The following SPTSSA variants were observed in gnomAD, a reference collection of about 807,000 sequenced individuals.
The protein encoded by SPTSSA is serine palmitoyltransferase small subunit A.
SPTSSA carries 8 observed loss-of-function variants against 9.1 expected under a neutral mutation model. The observed-to-expected ratio is 0.88, with a 90% CI of 0.51 to 1.58. The LOEUF is 1.58. Ranked by LOEUF, SPTSSA falls within the 40% of genes most tolerant of loss-of-function variation. The probability of loss-of-function intolerance (pLI) is 0.00; values close to 1 mark genes in which losing one functional copy is unlikely to be tolerated. For missense variants in SPTSSA, 100 were observed against 93.8 expected (o/e 1.07, Z -0.27); for synonymous variants, 42 against 37.7 (o/e 1.11, Z -0.41).
intron 1 of SPTSSA, among the ~76,000 whole-genome samples, chr14:34,436,396 T>G (rs558028008): frequency 1.3e-5 from 2 of 152,318 alleles, no homozygotes; most frequent in East Asian, 1.9e-4. Context: ...CACAGTTACA[T>G]AGGATGCTAA....
intron 1 of SPTSSA, among the ~76,000 whole-genome samples, chr14:34,459,983 T>C (rs1490707387): frequency 6.6e-6 from 1 of 152,170 alleles, no homozygotes; most frequent in African/African-American, 2.4e-5. Flanking sequence ...ACAGATTAGT[T>C]CTGGGTGAAG....
intron 1 of SPTSSA, among the ~76,000 whole-genome samples, chr14:34,444,711 C>G (rs1883390247): frequency 1.3e-5 from 2 of 149,950 alleles, no homozygotes; most frequent in South Asian, 4.2e-4. Context: ...GAGATCGCAC[C>G]ATTGTACTCC....
intron 1 of SPTSSA, among the ~76,000 whole-genome samples, chr14:34,454,185 A>T (rs1331779119): frequency 6.6e-6 from 1 of 151,310 alleles, no homozygotes; most frequent in Non-Finnish European, 1.5e-5. Flanking sequence ...ACCCTGTTTT[A>T]GGGGGAAAAA....
At chr14:34,450,610 GA>G in intron 1 of SPTSSA, among the ~76,000 whole-genome samples, 1 of 152,036 alleles carries the variant, frequency 6.6e-6, no homozygotes, top group Admixed American at 6.6e-5. Context: ...TAGAGAACAA[GA>G]ATAGAATACA....
intron 1 of SPTSSA, among the ~76,000 whole-genome samples, chr14:34,443,252 T>C (rs1883359145): frequency 1.7e-5 from 1 of 59,288 alleles, no homozygotes; most frequent in African/African-American, 8.1e-5. Context: ...GAGATGGAGT[T>C]TTCCTCTCAT....
chr14:34,447,751 T>A (rs10129766), intron 1 of SPTSSA, among the ~76,000 whole-genome samples: 1 of 152,154 alleles, frequency 6.6e-6, no homozygotes, highest in African/African-American at 2.4e-5. Flanking sequence ...GGGAAACACA[T>A]GGGTTCTAGA....
intron 1 of SPTSSA, among the ~76,000 whole-genome samples, chr14:34,443,198 GGTGT>G (rs76985104): frequency 0.011 from 131 of 11,478 alleles, 16 homozygotes; most frequent in African/African-American, 0.043. Context: ...TCCTCTAGGG[GGTGT>G]GTGTGTGTGT....
At chr14:34,438,375 T>A (rs1366800903) in intron 1 of SPTSSA, among the ~76,000 whole-genome samples, 1 of 152,194 alleles carries the variant, frequency 6.6e-6, no homozygotes, top group East Asian at 1.9e-4. Flanking sequence ...CCAACGGGCA[T>A]TTCCTTTGAC....
chr14:34,441,971 G>C (rs567882128), intron 1 of SPTSSA, among the ~76,000 whole-genome samples: 23 of 152,206 alleles, frequency 1.5e-4, no homozygotes, highest in African/African-American at 5.3e-4. Context: ...CGCCTCCCGG[G>C]TTCAAGCAGT....
intron 1 of SPTSSA, among the ~76,000 whole-genome samples, chr14:34,455,364 GGA>G (rs1883598757): frequency 6.6e-6 from 1 of 151,632 alleles, no homozygotes; most frequent in Non-Finnish European, 1.5e-5. Flanking sequence ...TCTAGCCTGA[GGA>G]AAAGAGCGAA....
At chr14:34,461,688 G>A (rs954917294) in intron 1 of SPTSSA, among the ~76,000 whole-genome samples, 1 of 152,210 alleles carries the variant, frequency 6.6e-6, no homozygotes, top group African/African-American at 2.4e-5. Flanking sequence ...AACACTTAAA[G>A]GTCAAAGGCG....
chr14:34,449,502 CCTTTT>C (rs1883481541), intron 1 of SPTSSA, among the ~76,000 whole-genome samples: 1 of 131,024 alleles, frequency 7.6e-6, no homozygotes, highest in African/African-American at 3.3e-5. Context: ...ACCCGGCCTC[CCTTTT>C]TTTTTTTTTT....
chr14:34,452,401 T>G (rs1883546434), intron 1 of SPTSSA, among the ~76,000 whole-genome samples: 1 of 152,250 alleles, frequency 6.6e-6, no homozygotes, highest in Admixed American at 6.5e-5. Context: ...CAATTTGATA[T>G]TCAAGGGTCA....
At chr14:34,451,846 T>C (rs116326859) in intron 1 of SPTSSA, among the ~76,000 whole-genome samples, 3,465 of 152,126 alleles carry the variant, frequency 0.023, 120 homozygotes, top group African/African-American at 0.07. Flanking sequence ...AGTATTATCA[T>C]ATGCTGTTTA....
chr14:34,440,559 C>G (rs1883299984), intron 1 of SPTSSA, among the ~76,000 whole-genome samples: 1 of 152,094 alleles, frequency 6.6e-6, no homozygotes. Context: ...CATATATTAG[C>G]CTAACGGGTT....
intron 1 of SPTSSA, among the ~76,000 whole-genome samples, chr14:34,459,695 CGCTTGAA>C (rs1393475867): frequency 0.011 from 1,737 of 152,146 alleles, 30 homozygotes; most frequent in African/African-American, 0.04. Context: ...GCAGGAGAAT[CGCTTGAA>C]CCTGGGAGGC....
chr14:34,454,939 C>T (rs1883588029), intron 1 of SPTSSA, among the ~76,000 whole-genome samples: 1 of 151,862 alleles, frequency 6.6e-6, no homozygotes, highest in East Asian at 1.9e-4. Context: ...ATACAAAAAT[C>T]AGCCGGGTGT....
intron 1 of SPTSSA, among the ~76,000 whole-genome samples, chr14:34,454,903 A>G (rs1025432758): frequency 6.6e-6 from 1 of 152,160 alleles, no homozygotes; most frequent in Non-Finnish European, 1.5e-5. Context: ...GCTGGCCAAC[A>G]TAGTAAATCC....
chr14:34,456,856 G>A (rs910876370), intron 1 of SPTSSA, among the ~76,000 whole-genome samples: 30 of 149,172 alleles, frequency 2.0e-4, no homozygotes, highest in Non-Finnish European at 3.6e-4. Flanking sequence ...CCAAGATCGC[G>A]CCACTGCACT....
Sources: allele counts gnomAD v4.1 joint callset (sites outside exome capture counted in the v4.1 genomes callset), GRCh38; gene constraint gnomAD v4.1.1; transcripts MANE v1.5; gene names NCBI Gene and HGNC (gene_info 2026-07-23, HGNC 2026-07-21).